Variants in TPRG1 observed in about 807,000 individuals in gnomAD.
TPRG1 encodes the protein tumor protein p63 regulated 1, also known as tumor protein p63-regulated gene 1 protein.
In TPRG1, 29 loss-of-function variants were observed where a neutral mutation model predicts 29.3. The observed-to-expected ratio is 0.99, with a 90% CI of 0.74 to 1.35. The LOEUF (loss-of-function observed/expected upper bound fraction) is 1.35, where lower values mean the gene tolerates loss of function less well. Among genes scored for constraint, TPRG1 ranks in the 40% most tolerant of loss-of-function variants. The pLI is 0.00. For synonymous variants in TPRG1, 130 were observed against 116.8 expected (o/e 1.11, Z -0.73); for missense variants, 327 against 335.0 (o/e 0.98, Z 0.19).
intron 4 of TPRG1, among the ~76,000 whole-genome samples, chr3:189,287,831 C>T (rs182467073): frequency 6.6e-6 from 1 of 152,118 alleles, no homozygotes; most frequent in East Asian, 1.9e-4. Context: ...TATTTTTTGC[C>T]TATTTTCCCC....
chr3:189,153,793 A>C (rs1341301400), intron 5 of TPRG1, among the ~76,000 whole-genome samples: 2 of 152,188 alleles, frequency 1.3e-5, no homozygotes, highest in Non-Finnish European at 2.9e-5. Flanking sequence ...AACTGATTGG[A>C]AGGAATAGAG....
At chr3:189,250,921 C>G (rs140324243) in intron 4 of TPRG1, among the ~76,000 whole-genome samples, 2 of 152,008 alleles carry the variant, frequency 1.3e-5, no homozygotes, top group African/African-American at 2.4e-5. Flanking sequence ...GCGAGACTTA[C>G]AGGTGTTCAG....
chr3:189,021,475 T>C (rs1361054454), intron 3 of TPRG1, among the ~76,000 whole-genome samples: 5 of 152,178 alleles, frequency 3.3e-5, no homozygotes, highest in Non-Finnish European at 7.3e-5. Context: ...GGATTTTATT[T>C]CTCCTTCACT....
At position 189,232,705 on chromosome 3, in the gene TPRG1, G is replaced by C. The variant is rs531630973; in HGVS notation, c.303-6028G>C. Among the ~76,000 whole-genome samples the C allele has an allele frequency of 5.9e-5, 9 of 152,294 alleles. No homozygotes were observed. In the South Asian group the frequency reaches 1.9e-3, roughly 32 times the overall value. On this transcript the variant is annotated intron_variant, in intron 3 of 5. Coordinates refer to ENST00000345063, the MANE Select transcript of TPRG1 (RefSeq NM_198485.4). ...AGTCAAGTCAGGAAACCTGGGAACAGGGAAGGTTGGTGACCATTGGGTTTC... is the reference window on the plus strand; with the variant it reads ...AGTCAAGTCAGGAAACCTGGGAACACGGAAGGTTGGTGACCATTGGGTTTC...
At chr3:189,115,312 G>C (rs116221945) in intron 1 of TPRG1, among the ~76,000 whole-genome samples, 91 of 152,320 alleles carry the variant, frequency 6.0e-4, no homozygotes, top group African/African-American at 2.1e-3. Flanking sequence ...TTGGCGCATG[G>C]ACTGGGAACC....
At chr3:189,281,018 CCA>C (rs1179522394) in intron 4 of TPRG1, among the ~76,000 whole-genome samples, 4 of 152,252 alleles carry the variant, frequency 2.6e-5, no homozygotes, top group African/African-American at 9.6e-5. Context: ...AGTGTCTTAG[CCA>C]TGACTGTATG....
intron 4 of TPRG1, among the ~76,000 whole-genome samples, chr3:189,027,082 A>G (rs929049613): frequency 6.6e-6 from 1 of 152,248 alleles, no homozygotes. Flanking sequence ...CCTTGCACGC[A>G]ATGCTATGCA....
At chr3:189,162,497 C>A (rs959286453) in intron 5 of TPRG1, among the ~76,000 whole-genome samples, 2 of 152,062 alleles carry the variant, frequency 1.3e-5, no homozygotes, top group Admixed American at 1.3e-4. Context: ...ACATTGAAAG[C>A]TTTTTTGAAC....
intron 4 of TPRG1, among the ~76,000 whole-genome samples, chr3:189,091,797 C>T (rs1244187529): frequency 1.3e-5 from 2 of 152,108 alleles, no homozygotes; most frequent in African/African-American, 4.8e-5. Flanking sequence ...ATTTACTCAT[C>T]ACTGTGTCTT....
chr3:189,044,923 G>T (rs1003062469), intron 4 of TPRG1, among the ~76,000 whole-genome samples: 2 of 152,138 alleles, frequency 1.3e-5, no homozygotes, highest in Admixed American at 6.5e-5. Flanking sequence ...ATTTTATGTC[G>T]AAGTGTGGTT....
chr3:189,013,917 C>T (rs1712781958), intron 3 of TPRG1, among the ~76,000 whole-genome samples: 1 of 152,158 alleles, frequency 6.6e-6, no homozygotes, highest in African/African-American at 2.4e-5. Flanking sequence ...AAATGGATCT[C>T]TTGAAGATAG....
At chr3:189,276,500 G>A (rs1057123374) in intron 4 of TPRG1, among the ~76,000 whole-genome samples, 1 of 152,230 alleles carries the variant, frequency 6.6e-6, no homozygotes, top group Middle Eastern at 3.4e-3. Flanking sequence ...TGAGTTGTGA[G>A]CAAAAATTCT....
chr3:189,228,705 G>A (rs565409134), intron 3 of TPRG1, among the ~76,000 whole-genome samples: 173 of 152,234 alleles, frequency 1.1e-3, no homozygotes, highest in Non-Finnish European at 2.1e-3. Flanking sequence ...AACAAGGAAA[G>A]CGTATTCATT....
At chr3:189,126,511 G>A (rs1722515116) in intron 1 of TPRG1, among the ~76,000 whole-genome samples, 1 of 152,218 alleles carries the variant, frequency 6.6e-6, no homozygotes, top group Non-Finnish European at 1.5e-5. Context: ...GGTTAAGTGA[G>A]AATTCCTTCA....
intron 4 of TPRG1, among the ~76,000 whole-genome samples, chr3:189,027,258 T>C (rs1486170036): frequency 1.3e-5 from 2 of 152,208 alleles, no homozygotes; most frequent in Middle Eastern, 3.2e-3. Context: ...AATTAGATTT[T>C]CACTCAGCCT....
At chr3:189,310,177 A>G (rs1722256686) in intron 4 of TPRG1, 3 of 359,982 alleles carry the variant, frequency 8.3e-6, no homozygotes, top group Non-Finnish European at 1.5e-5. Context: ...CACATTTCCA[A>G]GTAGGTGTTT....
intron 5 of TPRG1, among the ~76,000 whole-genome samples, chr3:189,155,960 G>T (rs1721233640): frequency 6.6e-6 from 1 of 152,304 alleles, no homozygotes; most frequent in South Asian, 2.1e-4. Context: ...CTTGAAATTT[G>T]CTGAGAGAGT....
At chr3:189,058,425 A>G (rs1020317311) in intron 4 of TPRG1, among the ~76,000 whole-genome samples, 1 of 152,224 alleles carries the variant, frequency 6.6e-6, no homozygotes, top group East Asian at 1.9e-4. Context: ...ATAGGCGGAA[A>G]GTGAAAATGT....
chr3:189,259,491 G>A (rs1273073077), intron 4 of TPRG1, among the ~76,000 whole-genome samples: 2 of 111,302 alleles, frequency 1.8e-5, no homozygotes, highest in African/African-American at 7.4e-5. Context: ...TTTTTACGAA[G>A]TCTTGCTCTG....
Sources: allele counts gnomAD v4.1 joint callset (sites outside exome capture counted in the v4.1 genomes callset), GRCh38; gene constraint gnomAD v4.1.1; transcripts MANE v1.5; gene names NCBI Gene and HGNC (gene_info 2026-07-23, HGNC 2026-07-21).